PVRIG: variants seen among roughly 807,000 people sequenced by gnomAD.
PVRIG encodes transmembrane protein PVRIG.
A neutral mutation model predicts 21.9 loss-of-function variants in PVRIG; 16 were observed. The ratio of observed to expected loss-of-function variants is 0.73; its 90% CI spans 0.50 to 1.11. The LOEUF (loss-of-function observed/expected upper bound fraction) is 1.11, where lower values mean the gene tolerates loss of function less well. PVRIG is among the 50% of genes most tolerant of loss of function. The probability of loss-of-function intolerance (pLI) is 0.00; values close to 1 mark genes in which losing one functional copy is unlikely to be tolerated. For synonymous variants in PVRIG, 190 were observed against 181.0 expected, an observed-to-expected ratio of 1.05 and a Z score of -0.40; for missense variants, 435 against 445.7, an observed-to-expected ratio of 0.98 and a Z score of 0.22.
chr7:100,221,110 T>G, exon 6 of PVRIG: 1 of 1,613,990 alleles, frequency 6.2e-7, no homozygotes, highest in Non-Finnish European at 8.5e-7. Flanking sequence ...CACCCATCCC[T>G]GCACGTGGCA....
At position 100,221,094 on chromosome 7, in the gene PVRIG, C is replaced by T. The variant is rs866644363; in HGVS notation, c.824C>T (p.Ala275Val). 1.7e-5 allele frequency: 27 copies of T among 1,613,902 alleles called. No homozygotes were observed. The highest frequency in any genetic ancestry group is 3.3e-4 in the Middle Eastern group (2 of 6,082). Residue 275 changes from alanine (A) to valine (V), a missense_variant, in exon 6 of 6, where the codon GCC (alanine) becomes GTC (valine). Ala to Val is a moderately conservative substitution (Grantham distance 64). Coordinates refer to ENST00000317271, the Ensembl canonical transcript of PVRIG. ...CGGCCCCAGGGCCCTGCCGCCTGGGCCTCCACACCCATCCCTGCACGTGGC... is the reference window on the plus strand; with the variant it reads ...CGGCCCCAGGGCCCTGCCGCCTGGGTCTCCACACCCATCCCTGCACGTGGC...
chr7:100,220,330 G>A (rs1158605906), exon 3 of PVRIG: 3 of 1,557,242 alleles, frequency 1.9e-6, no homozygotes, highest in South Asian at 1.2e-5. Context: ...GAAACCCAGA[G>A]CAGCATCTCT....
chr7:100,220,986 G>T (rs777816731), exon 6 of PVRIG: 1 of 1,599,828 alleles, frequency 6.3e-7, no homozygotes, highest in South Asian at 1.1e-5. Flanking sequence ...ATCAACACCA[G>T]CTGCCGCCCA....
exon 6 of PVRIG, chr7:100,221,052 C>T: frequency 6.2e-7 from 1 of 1,613,786 alleles, no homozygotes; most frequent in Non-Finnish European, 8.5e-7. Flanking sequence ...GCGTCACTCC[C>T]CACCCACGCT....
chr7:100,221,034 C>G (rs1330074303), exon 6 of PVRIG: 16 of 1,613,146 alleles, frequency 9.9e-6, no homozygotes, highest in Non-Finnish European at 1.4e-5. Context: ...GGGGGGCCGT[C>G]CTGGTGGGCG....
At chr7:100,221,457 A>G (rs1489146027) in exon 6 of PVRIG, 5 of 470,360 alleles carry the variant, frequency 1.1e-5, no homozygotes, top group Non-Finnish European at 1.5e-5. Context: ...TCCTGCTGCA[A>G]CTAAGTCAGC....
chr7:100,220,037 C>T lies in PVRIG; in HGVS notation c.118+9C>T, dbSNP rs769783674. The T allele has an allele frequency of 1.4e-5, 23 of 1,604,440 alleles. No individual in the cohort carries two copies. Among genetic ancestry groups the T allele is most frequent in the African/African-American group, 6.7e-5 (5 of 74,778 alleles). On this transcript the variant is annotated intron_variant, in intron 2 of 5. Transcript: ENST00000317271. ...CTTGTGTGTCACTGCGGGTGAGTGCCGGCACCAGAGAGGGGCAGGGGCTGC... is the reference window on the plus strand; with the variant it reads ...CTTGTGTGTCACTGCGGGTGAGTGCTGGCACCAGAGAGGGGCAGGGGCTGC...
chr7:100,221,167 GCCT>G, exon 6 of PVRIG: 1 of 1,612,472 alleles, frequency 6.2e-7, no homozygotes. Context: ...CAGGGGAGAG[GCCT>G]CCTCACACTG....
chr7:100,220,760 C>G, exon 5 of PVRIG: 1 of 1,606,246 alleles, frequency 6.2e-7, no homozygotes, highest in South Asian at 1.1e-5. Context: ...TCTCTCCCAG[C>G]CCTGCCCCTA....
At chr7:100,219,405 G>A (rs535181973) in intron 1 of PVRIG, 25 of 191,078 alleles carry the variant, frequency 1.3e-4, no homozygotes, top group African/African-American at 4.5e-4. Context: ...TATGGGGTGC[G>A]TTCAGGGTAG....
rs1229811796 is a variant in PVRIG, at chr7:100,220,911, C to A, written c.658-17C>A. 1.9e-6 allele frequency: 3 copies of A among 1,577,480 alleles called. No homozygotes were observed. Among genetic ancestry groups the A allele is most frequent in the Non-Finnish European group, 2.6e-6 (3 of 1,160,420 alleles). ...CCAAGCTGTGCAGACTCACTTGACC[C>A]TCCTTCCCCCGCGCAGGCACCAAGC... On this transcript the variant is annotated splice_polypyrimidine_tract_variant and intron_variant, in intron 5 of 5. Coordinates refer to ENST00000317271, the Ensembl canonical transcript of PVRIG.
rs189951134 is a variant in PVRIG at position 100,220,849 on chromosome 7, G to A, written c.657+29G>A. 3.7e-6 allele frequency: 6 copies of A among 1,605,664 alleles called. No individual in the cohort carries two copies. In the African/African-American group the frequency reaches 4.0e-5, roughly 11 times the overall value. On this transcript the variant is annotated intron_variant, in intron 5 of 5. Transcript: ENST00000317271. ...AGGAGGGGACCTGCTTTGGGGATGAGGTGACAGGGGCAGGGGCAGGGGGGC... is the reference window on the plus strand; with the variant it reads ...AGGAGGGGACCTGCTTTGGGGATGAAGTGACAGGGGCAGGGGCAGGGGGGC...
chr7:100,220,756 C>T lies in PVRIG; in HGVS notation c.597-4C>T, dbSNP rs1277520900. 6.2e-7 allele frequency: 1 copy of T among 1,606,190 alleles called. No individual in the cohort carries two copies. The highest frequency in any genetic ancestry group is 1.7e-5 in the Admixed American group (1 of 59,992). On this transcript the variant is annotated splice_polypyrimidine_tract_variant and splice_region_variant and intron_variant, in intron 4 of 5. Transcript: ENST00000317271. ...GAGCTCTGACCATCCTTGCTCTCTC[C>T]CAGCCCTGCCCCTAGGCTCCAGCCG...
At chr7:100,220,507 G>A (rs766251274) in intron 3 of PVRIG, 40 bp from the exon 3 acceptor site, 10 of 1,611,250 alleles carry the variant, frequency 6.2e-6, no homozygotes, top group Admixed American at 5.0e-5. Context: ...GGAGGGGCTC[G>A]GGAACTGGCC....
exon 3 of PVRIG, chr7:100,220,187 C>T (rs1212378011): frequency 1.9e-6 from 3 of 1,599,066 alleles, no homozygotes; most frequent in Non-Finnish European, 1.7e-6. Context: ...GTTGTGGGTT[C>T]CTGGGGTCTG....
exon 6 of PVRIG, chr7:100,221,372 G>A (rs1039013765): frequency 5.2e-5 from 37 of 708,782 alleles, no homozygotes; most frequent in African/African-American, 4.0e-4. Context: ...CACCTGCTGC[G>A]GATGTGGTCT....
chr7:100,221,374 A>G (rs1250327659), exon 6 of PVRIG: 13 of 684,792 alleles, frequency 1.9e-5, no homozygotes, highest in Non-Finnish European at 2.6e-5. Context: ...CCTGCTGCGG[A>G]TGTGGTCTCT....
Position 100,221,059 on chromosome 7 carries a change from C to T in PVRIG, c.789C>T (p.His263=), listed in dbSNP as rs369682891. ...CCTGGTGGGCGTCACTCCCCACCCA[C>T]GCTGCACACCGGCCCCAGGGCCCTG... Residue 263 remains histidine (H), a synonymous_variant, in exon 6 of 6, where the codon CAC becomes CAT. Coordinates refer to ENST00000317271, the Ensembl canonical transcript of PVRIG. 1.8e-4 allele frequency: 298 copies of T among 1,613,830 alleles called. 5 individuals are homozygous for T. The South Asian group carries it at 3.0e-3, about 16-fold the overall frequency.
At chr7:100,220,931 C>G (rs200915229) in exon 6 of PVRIG, 3 of 1,577,020 alleles carry the variant, frequency 1.9e-6, no homozygotes, top group Non-Finnish European at 1.7e-6. Flanking sequence ...CGCGCAGGCA[C>G]CAAGCCAGGC....
Sources: allele counts gnomAD v4.1 joint callset, GRCh38; gene constraint gnomAD v4.1.1; transcripts MANE v1.5; gene names NCBI Gene and HGNC (gene_info 2026-07-23, HGNC 2026-07-21).